Variants in RTF2 observed in about 807,000 individuals in gnomAD.
The protein encoded by RTF2 is UPF0549 protein C20orf43.
RTF2 carries 18 observed loss-of-function variants against 38.0 expected under a neutral mutation model. The ratio of observed to expected loss-of-function variants is 0.47; its 90% CI spans 0.33 to 0.70. RTF2 has a LOEUF of 0.70. Ranked by LOEUF, RTF2 falls within the 30% of genes least tolerant of loss-of-function variation. RTF2 has a pLI of 0.02. For synonymous variants in RTF2, 126 were observed against 137.1 expected, an observed-to-expected ratio of 0.92 and a Z score of 0.57; for missense variants, 311 against 379.6, an observed-to-expected ratio of 0.82 and a Z score of 1.50.
chr20:56,489,687 C>T (rs1982994387), intron 5 of RTF2, among the ~76,000 whole-genome samples: 1 of 152,208 alleles, frequency 6.6e-6, no homozygotes, highest in Non-Finnish European at 1.5e-5. Flanking sequence ...TTTTACAGGG[C>T]CCCCTTCACG....
chr20:56,513,318 G>T lies in RTF2; in HGVS notation c.481G>T (p.Gly161Trp). The change falls in exon 6 of 9, where the codon GGG becomes TGG. Residue 161 changes from glycine to tryptophan, a missense_variant. Physicochemically the swap from Gly to Trp is radical, Grantham distance 184. Coordinates refer to ENST00000357348, the MANE Select transcript of RTF2 (RefSeq NM_016407.5). The stretch of plus-strand genomic sequence containing the variant: ...CTCTCTTGTTTGCCCTCTCCAGTGT[G>T]GGGCTGCCTTCCAGGAGGATGATGT... ...EIKAEVCHTC[G>W]AAFQEDDVIM... 1 of 1,596,636 alleles carries T rather than the reference G, an allele frequency of 6.3e-7. No individual in the cohort carries two copies. The highest frequency in any genetic ancestry group is 8.5e-7 in the Non-Finnish European group (1 of 1,172,170).
In RTF2 at chr20:56,491,498, A is replaced by G. The variant is rs191665128; in HGVS notation, c.477+7309A>G. 9.6e-4 allele frequency: 1,021 copies of G among 1,065,622 alleles called. 2 individuals carry two copies. The highest frequency in any genetic ancestry group is 1.3e-3 in the Non-Finnish European group (920 of 709,594). The allele number at this position is 1,065,622 out of a possible 1,614,324, so 66.0% of individuals were successfully genotyped here. A position where few individuals can be genotyped will look rare whatever the true frequency, so the allele number is the denominator to read the frequency against. On this transcript the variant is annotated intron_variant, in intron 5 of 8. Coordinates refer to ENST00000357348, the MANE Select transcript of RTF2 (RefSeq NM_016407.5). ...ATCATTTTCCCACTTCTTTGGTTCA[A>G]TGTTCTCTTGTTTCAAGTCAAGGAA...
intron 5 of RTF2, among the ~76,000 whole-genome samples, chr20:56,510,975 T>C (rs1984626328): frequency 6.6e-6 from 1 of 151,688 alleles, no homozygotes; most frequent in Non-Finnish European, 1.5e-5. Flanking sequence ...TTTACATGAC[T>C]ATGAGTATGT....
chr20:56,469,784 T>G (rs562255934), intron 1 of RTF2, among the ~76,000 whole-genome samples: 1 of 54,898 alleles, frequency 1.8e-5, no homozygotes, highest in East Asian at 0.033. Flanking sequence ...TCTGACCTCA[T>G]CTTCTGCCCC....
intron 5 of RTF2, chr20:56,496,814 G>A: frequency 6.4e-7 from 1 of 1,551,912 alleles, no homozygotes; most frequent in Non-Finnish European, 8.7e-7. Flanking sequence ...GTTTGTCTTT[G>A]AATCTGTTAT....
intron 4 of RTF2, among the ~76,000 whole-genome samples, 193 bp downstream of exon 4, chr20:56,477,317 C>T (rs1472526282): frequency 6.6e-6 from 1 of 152,128 alleles, no homozygotes; most frequent in Admixed American, 6.5e-5. Context: ...GGACTTCCAG[C>T]GAGATCCAGC....
intron 5 of RTF2, chr20:56,495,065 T>G: frequency 1.5e-6 from 1 of 647,368 alleles, no homozygotes; most frequent in Non-Finnish European, 2.7e-6. Context: ...TGACTCAACC[T>G]ATACTAATTG....
intron 5 of RTF2, among the ~76,000 whole-genome samples, chr20:56,485,860 A>C (rs1213025150): frequency 6.6e-6 from 1 of 152,226 alleles, no homozygotes; most frequent in Non-Finnish European, 1.5e-5. Flanking sequence ...TATGTGAGAC[A>C]TCACACTCTA....
intron 1 of RTF2, among the ~76,000 whole-genome samples, chr20:56,469,051 T>G (rs956222117): frequency 1.3e-5 from 2 of 152,226 alleles, no homozygotes; most frequent in African/African-American, 4.8e-5. Context: ...GACATGGAAG[T>G]TGAGGCTCAA....
chr20:56,510,969 C>T (rs1048697209), intron 5 of RTF2, among the ~76,000 whole-genome samples: 1 of 151,866 alleles, frequency 6.6e-6, no homozygotes, highest in South Asian at 2.1e-4. Flanking sequence ...AAAAAGTTTA[C>T]ATGACTATGA....
At chr20:56,473,063 G>A (rs977113410) in intron 1 of RTF2, among the ~76,000 whole-genome samples, 1 of 152,098 alleles carries the variant, frequency 6.6e-6, no homozygotes, top group Non-Finnish European at 1.5e-5. Context: ...TCCAGGAGGT[G>A]GAGGTTGCAG....
chr20:56,491,680 CG>C (rs1157800505), intron 5 of RTF2: 2 of 1,552,084 alleles, frequency 1.3e-6, no homozygotes, highest in African/African-American at 2.7e-5. Context: ...TAACCACAAG[CG>C]GGTCTGTCGA....
chr20:56,481,213 C>A (rs149008914), intron 4 of RTF2, among the ~76,000 whole-genome samples: 340 of 152,260 alleles, frequency 2.2e-3, no homozygotes, highest in African/African-American at 7.7e-3. Flanking sequence ...CAAAGCATCT[C>A]GAGTAAGTAA....
At chr20:56,508,575 T>C (rs910274153) in intron 5 of RTF2, among the ~76,000 whole-genome samples, 1 of 152,184 alleles carries the variant, frequency 6.6e-6, no homozygotes, top group Admixed American at 6.5e-5. Flanking sequence ...TTCATAGATA[T>C]TAGAAAGATA....
chr20:56,500,309 C>G (rs558131012), intron 5 of RTF2, among the ~76,000 whole-genome samples: 215 of 152,332 alleles, frequency 1.4e-3, no homozygotes, highest in African/African-American at 4.5e-3. Flanking sequence ...CTGCCTCAGC[C>G]TCCCAAAGTG....
intron 6 of RTF2, chr20:56,515,665 G>GACACACACACACAC (rs11474559): frequency 1.4e-4 from 21 of 145,684 alleles, no homozygotes; most frequent in African/African-American, 4.6e-4. Context: ...CTCAGACAGA[G>GACACACACACACAC]ACACACACAC....
chr20:56,513,677 G>A (rs1004578856), intron 6 of RTF2: 2 of 384,840 alleles, frequency 5.2e-6, no homozygotes, highest in Non-Finnish European at 9.9e-6. Flanking sequence ...GACAGCATGC[G>A]AGGGCACGGA....
At position 56,491,817 on chromosome 20, in the gene RTF2, T is replaced by G. The variant is rs747998066; in HGVS notation, c.477+7628T>G. 3 of 1,482,430 alleles carry G rather than the reference T, an allele frequency of 2.0e-6. No individual in the cohort carries two copies. In the Admixed American group the frequency reaches 5.9e-5, roughly 29 times the overall value. The allele number at this position is 1,482,430 out of a possible 1,614,324, so 91.8% of individuals were successfully genotyped here. A position where few individuals can be genotyped will look rare whatever the true frequency, so the allele number is the denominator to read the frequency against. On this transcript the variant is annotated intron_variant, in intron 5 of 8. Transcript: ENST00000357348. ...AGAAACACAAAAACCTAGCTGCCTT[T>G]GTTTCCTCACCCATTTTATTCACAC...
intron 5 of RTF2, chr20:56,497,242 T>C (rs1276958288): frequency 3.2e-6 from 5 of 1,551,896 alleles, no homozygotes; most frequent in East Asian, 4.9e-5. Flanking sequence ...TGCACAAACA[T>C]GGCCAGCTCC....
Sources: allele counts gnomAD v4.1 joint callset (sites outside exome capture counted in the v4.1 genomes callset), GRCh38; gene constraint gnomAD v4.1.1; transcripts MANE v1.5; gene names NCBI Gene and HGNC (gene_info 2026-07-23, HGNC 2026-07-21).